The following URB1 variants were observed in gnomAD, a reference collection of about 807,000 sequenced individuals.
URB1 encodes URB1 ribosome biogenesis factor.
Under a neutral mutation model 242.3 loss-of-function variants are expected in URB1, and 197 were observed. The observed-to-expected ratio is 0.81, with a 90% CI of 0.72 to 0.91. URB1 has a LOEUF of 0.91. Among genes scored for constraint, URB1 ranks in the 40% least tolerant of loss-of-function variants. The pLI, the probability that URB1 is intolerant of heterozygous loss-of-function variation, is 0.00. For synonymous variants in URB1, 1,153 were observed against 1,201.8 expected (o/e 0.96, Z 0.84); for missense variants, 2,721 against 2,860.5 (o/e 0.95, Z 1.11).
Position 32,314,573 on chromosome 21 carries a change from C to T in URB1, c.*345G>A. The stretch of plus-strand genomic sequence containing the variant: ...CAGCTTTAACACAGATGAATCTCTT[C>T]TGCATTCAGAAGTGCTGCCTCAAAC... On this transcript the variant is annotated 3_prime_UTR_variant, in exon 39 of 39. Transcript: ENST00000382751. 1 of 1,614,182 alleles carries T rather than the reference C, an allele frequency of 6.2e-7. No individual in the cohort carries two copies. The highest frequency in any genetic ancestry group is 8.5e-7 in the Non-Finnish European group (1 of 1,179,988).
intron 30 of URB1, among the ~76,000 whole-genome samples, chr21:32,331,560 T>C (rs1332060594): frequency 6.6e-6 from 1 of 152,200 alleles, no homozygotes. Context: ...GGTTGTCTTC[T>C]TGCCTCATTT....
chr21:32,388,879 T>A (rs942464800), intron 1 of URB1, among the ~76,000 whole-genome samples: 1 of 152,222 alleles, frequency 6.6e-6, no homozygotes, highest in Non-Finnish European at 1.5e-5. Context: ...ATACACCATT[T>A]ACTGGGCACC....
At chr21:32,386,097 C>T (rs907238872) in intron 1 of URB1, among the ~76,000 whole-genome samples, 1 of 150,158 alleles carries the variant, frequency 6.7e-6, no homozygotes, top group Non-Finnish European at 1.5e-5. Flanking sequence ...TACAGTGAGC[C>T]GAGATCGCGC....
intron 29 of URB1, 113 bp downstream of exon 29, chr21:32,334,050 G>A (rs1292110632): frequency 7.6e-7 from 1 of 1,307,892 alleles, no homozygotes; most frequent in East Asian, 2.6e-5. Flanking sequence ...TATATGATAA[G>A]ATTCTTACTT....
intron 14 of URB1, among the ~76,000 whole-genome samples, chr21:32,359,346 T>C (rs1485084834): frequency 6.6e-6 from 1 of 152,202 alleles, no homozygotes; most frequent in Non-Finnish European, 1.5e-5. Context: ...AGATATTTTA[T>C]TAAAGACCTA....
chr21:32,338,245 A>T (rs2032985279), intron 26 of URB1, among the ~76,000 whole-genome samples: 1 of 152,162 alleles, frequency 6.6e-6, no homozygotes, highest in African/African-American at 2.4e-5. Context: ...TGAATTAGGG[A>T]TGGAGCCTAA....
chr21:32,367,362 G>C (rs1420450822), intron 9 of URB1, among the ~76,000 whole-genome samples: 1 of 152,134 alleles, frequency 6.6e-6, no homozygotes, highest in Non-Finnish European at 1.5e-5. Flanking sequence ...AGGGGTGCTG[G>C]CCCCAGGACT....
intron 1 of URB1, among the ~76,000 whole-genome samples, chr21:32,392,157 A>C (rs2033646029): frequency 6.6e-6 from 1 of 152,224 alleles, no homozygotes; most frequent in East Asian, 1.9e-4. Context: ...AACACGTTCA[A>C]TTGCGTTTTT....
At chr21:32,339,966 G>T (rs2833775) in intron 25 of URB1, among the ~76,000 whole-genome samples, 83,499 of 151,636 alleles carry the variant, frequency 0.55, 27,999 homozygotes, top group Non-Finnish European at 0.75. Flanking sequence ...CCATCAAATG[G>T]TTCAGAAGCC....
intron 20 of URB1, among the ~76,000 whole-genome samples, chr21:32,350,474 G>A (rs188161397): frequency 2.0e-5 from 3 of 152,368 alleles, no homozygotes; most frequent in East Asian, 3.9e-4. Context: ...GAAGGGCTCT[G>A]TCTTGACCAG....
intron 4 of URB1, among the ~76,000 whole-genome samples, chr21:32,381,024 C>T (rs1383526981): frequency 1.3e-5 from 2 of 152,224 alleles, no homozygotes; most frequent in South Asian, 2.1e-4. Flanking sequence ...CCAAATTTCA[C>T]GTCCTGACAT....
chr21:32,389,876 C>T (rs1413714559), intron 1 of URB1, among the ~76,000 whole-genome samples: 1 of 152,182 alleles, frequency 6.6e-6, no homozygotes, highest in South Asian at 2.1e-4. Context: ...TATCCTCAGT[C>T]CTTACCAATC....
intron 7 of URB1, 145 bp downstream of exon 7, chr21:32,373,502 T>C: frequency 1.1e-6 from 1 of 896,444 alleles, no homozygotes. Context: ...AGCAGAGGGT[T>C]AATACAACCA....
Position 32,389,741 on chromosome 21 carries a change from T to A in URB1, c.142+3028A>T, listed in dbSNP as rs116956696. Reference sequence around the variant, plus strand: ...GAGTTTAACCATTAGTGTACTCTCTTACAGTATGGCCTTTTCTCTATCACC... The same window carrying A: ...GAGTTTAACCATTAGTGTACTCTCTAACAGTATGGCCTTTTCTCTATCACC... On this transcript the variant is annotated intron_variant, in intron 1 of 38. Coordinates refer to ENST00000382751, the MANE Select transcript of URB1 (RefSeq NM_014825.3). 3.3e-3 allele frequency among the ~76,000 whole-genome samples: 506 copies of A among 152,334 alleles called. 2 individuals are homozygous for A. Among genetic ancestry groups the A allele is most frequent in the Non-Finnish European group, 5.9e-3 (403 of 68,028 alleles).
At position 32,372,557 on chromosome 21, in the gene URB1, T is replaced by C. The variant is rs1300886494; in HGVS notation, c.951A>G (p.Ser317=). The change falls in exon 8 of 39, where the codon TCA becomes TCG. Residue 317 remains serine, a synonymous_variant. Coordinates refer to ENST00000382751, the MANE Select transcript of URB1 (RefSeq NM_014825.3). ...VHNFLMDLCC[S]LKHGINFYDA... ...CGTAAAAATTAATTCCATGCTTGAG[T>C]GAACAGCAAAGATCCATCAGGAAGT... The C allele has an allele frequency of 5.2e-6, 8 of 1,551,512 alleles. No individual in the cohort carries two copies. The South Asian group carries it at 7.1e-5, about 14-fold the overall frequency.
chr21:32,378,414 G>C, intron 5 of URB1, 31 bp downstream of exon 5: 1 of 1,536,056 alleles, frequency 6.5e-7, no homozygotes, highest in Non-Finnish European at 8.8e-7. Flanking sequence ...AAACAAATGG[G>C]CTTTCCTAAC....
intron 5 of URB1, among the ~76,000 whole-genome samples, chr21:32,375,881 C>T (rs974214417): frequency 6.6e-6 from 1 of 151,984 alleles, no homozygotes; most frequent in African/African-American, 2.4e-5. Context: ...CACCAGTACC[C>T]AGGAGTTTGA....
Position 32,320,521 on chromosome 21 carries a change from A to T in URB1, c.5594+10T>A. The T allele has an allele frequency of 6.5e-7, 1 of 1,537,782 alleles. No individual in the cohort carries two copies. Among genetic ancestry groups the T allele is most frequent in the Non-Finnish European group, 8.8e-7 (1 of 1,135,132 alleles). ...ACCTGACGCGCACCTCGCATGCAAA[A>T]GGTACTTACTTGCTTTCAAGGATGT... On this transcript the variant is annotated intron_variant, in intron 35 of 38. Coordinates refer to ENST00000382751, the MANE Select transcript of URB1 (RefSeq NM_014825.3).
intron 28 of URB1, among the ~76,000 whole-genome samples, chr21:32,336,059 C>A (rs1334383888): frequency 6.6e-6 from 1 of 152,132 alleles, no homozygotes; most frequent in African/African-American, 2.4e-5. Flanking sequence ...CTCTTCCTCA[C>A]ATAAGAAGGG....
Sources: gnomAD v4.1 joint callset for allele counts (sites outside exome capture counted in the v4.1 genomes callset) on GRCh38, gnomAD v4.1.1 for gene constraint, MANE v1.5 for transcripts, NCBI Gene and HGNC (gene_info 2026-07-23, HGNC 2026-07-21) for gene names.